Variants in PPP2R2A observed in about 807,000 individuals in gnomAD.
PPP2R2A encodes protein phosphatase 2 regulatory subunit Balpha, also known as serine/threonine-protein phosphatase 2A 55 kDa regulatory subunit B alpha isoform.
Under a neutral mutation model 53.2 loss-of-function variants are expected in PPP2R2A, and 9 were observed. The ratio of observed to expected loss-of-function variants is 0.17; its 90% CI spans 0.10 to 0.30. The LOEUF (loss-of-function observed/expected upper bound fraction) is 0.30. PPP2R2A is among the 10% of genes least tolerant of loss of function. The pLI, the probability that PPP2R2A is intolerant of heterozygous loss-of-function variation, is 1.00. For missense variants in PPP2R2A, 235 were observed against 534.6 expected, an observed-to-expected ratio of 0.44 and a Z score of 5.53; for synonymous variants, 169 against 174.2, an observed-to-expected ratio of 0.97 and a Z score of 0.23.
At chr8:26,366,945 A>G (rs947858808) in intron 9 of PPP2R2A, among the ~76,000 whole-genome samples, 2 of 152,112 alleles carry the variant, frequency 1.3e-5, no homozygotes, top group South Asian at 2.1e-4. Flanking sequence ...ATTTTTAGTA[A>G]AATGTTACCC....
At chr8:26,347,347 G>A (rs370891486) in intron 3 of PPP2R2A, among the ~76,000 whole-genome samples, 38 of 151,508 alleles carry the variant, frequency 2.5e-4, no homozygotes, top group African/African-American at 7.5e-4. Context: ...GGGGAAGAGC[G>A]CTAGCATCTG....
At chr8:26,298,144 G>T (rs1260305262) in intron 2 of PPP2R2A, among the ~76,000 whole-genome samples, 1 of 152,188 alleles carries the variant, frequency 6.6e-6, no homozygotes, top group African/African-American at 2.4e-5. Context: ...TGGGATGGTG[G>T]TTGTACAGAT....
chr8:26,334,723 C>T (rs1021818064), intron 2 of PPP2R2A, among the ~76,000 whole-genome samples: 1 of 151,378 alleles, frequency 6.6e-6, no homozygotes, highest in South Asian at 2.1e-4. Context: ...CCAGCCTGGG[C>T]GGCAGAGTAA....
In PPP2R2A at chr8:26,331,415, T is replaced by C. The variant is rs539052697; in HGVS notation, c.83-7475T>C. Among the ~76,000 whole-genome samples, 6 of 152,348 alleles carry C rather than the reference T, an allele frequency of 3.9e-5. No homozygotes were observed. In the East Asian group the frequency reaches 9.6e-4, roughly 24 times the overall value. Reference sequence around the variant, plus strand: ...GATTTTTAATTTTGATTTTTATCTTTTACTTTAACCTCTTGAAAGTAGTAG... The same window carrying C: ...GATTTTTAATTTTGATTTTTATCTTCTACTTTAACCTCTTGAAAGTAGTAG... On this transcript the variant is annotated intron_variant, in intron 2 of 9. Coordinates refer to ENST00000380737, the MANE Select transcript of PPP2R2A (RefSeq NM_002717.4).
At chr8:26,294,849 A>AT (rs1213585154) in intron 2 of PPP2R2A, among the ~76,000 whole-genome samples, 1 of 151,764 alleles carries the variant, frequency 6.6e-6, no homozygotes, top group Non-Finnish European at 1.5e-5. Context: ...TACTTGTCAT[A>AT]TTTTGCAGAG....
At chr8:26,314,666 G>A (rs1802451767) in intron 2 of PPP2R2A, among the ~76,000 whole-genome samples, 1 of 151,996 alleles carries the variant, frequency 6.6e-6, no homozygotes, top group Non-Finnish European at 1.5e-5. Context: ...TTAGCTTCCG[G>A]TGTTACATTT....
At position 26,370,463 on chromosome 8, in the gene PPP2R2A, T is replaced by C. The variant is rs1805612766; in HGVS notation, c.*50T>C. On this transcript the variant is annotated 3_prime_UTR_variant, in exon 10 of 10. Coordinates refer to ENST00000380737, the MANE Select transcript of PPP2R2A (RefSeq NM_002717.4). This position sits in a 1 kb window ranked among gnomAD's most constrained non-coding sequence, Gnocchi z 6.1. ...CCACTTCCTGCTTAGTTGAGATAGT[T>C]GAATCTAGCATTCGTTCCTATAAAA... 6.3e-7 allele frequency: 1 copy of C among 1,580,374 alleles called. No homozygotes were observed. Among genetic ancestry groups the C allele is most frequent in the Non-Finnish European group, 8.7e-7 (1 of 1,155,080 alleles).
intron 2 of PPP2R2A, among the ~76,000 whole-genome samples, chr8:26,308,829 ACTGT>A (rs1044712032): frequency 2.6e-5 from 4 of 151,992 alleles, no homozygotes; most frequent in African/African-American, 9.7e-5. Context: ...AAGCGGAATC[ACTGT>A]CTATGTCAGT....
chr8:26,365,717 C>T (rs1805338352), intron 8 of PPP2R2A: 1 of 151,872 alleles, frequency 6.6e-6, no homozygotes, highest in African/African-American at 2.4e-5. Flanking sequence ...TTATATAATT[C>T]AAAAAACAGG....
At chr8:26,366,454 A>G (rs111983428) in intron 9 of PPP2R2A, 48 bp downstream of exon 9, 2 of 1,409,522 alleles carry the variant, frequency 1.4e-6, no homozygotes, top group African/African-American at 1.5e-5. Flanking sequence ...AAGAAAAGAA[A>G]CAACTATTTC....
At chr8:26,310,478 A>G (rs1195912728) in intron 2 of PPP2R2A, among the ~76,000 whole-genome samples, 2 of 151,494 alleles carry the variant, frequency 1.3e-5, no homozygotes, top group South Asian at 4.2e-4. Context: ...TCCAGTTAAC[A>G]TATATGAGAA....
At chr8:26,304,056 G>T (rs1801906433) in intron 2 of PPP2R2A, among the ~76,000 whole-genome samples, 1 of 152,156 alleles carries the variant, frequency 6.6e-6, no homozygotes, top group Admixed American at 6.5e-5. Flanking sequence ...AAGAACTTCT[G>T]CTCTAATCTT....
At chr8:26,322,600 AAAG>A (rs1409692288) in intron 2 of PPP2R2A, among the ~76,000 whole-genome samples, 1 of 152,178 alleles carries the variant, frequency 6.6e-6, no homozygotes, top group Non-Finnish European at 1.5e-5. Context: ...GGAAAAAAAA[AAAG>A]ACTTAACTAC....
intron 2 of PPP2R2A, among the ~76,000 whole-genome samples, chr8:26,325,810 A>G (rs1803059730): frequency 6.6e-6 from 1 of 152,156 alleles, no homozygotes; most frequent in Non-Finnish European, 1.5e-5. Context: ...AACATAGAGT[A>G]TGTAAACTTT....
rs549209706 is a variant in PPP2R2A, at chr8:26,291,843, C to T, written c.7+17C>T. ...ACATGGCAGGTAAAGGAGAAATCCC[C>T]CTCGCCCCCTGACAAGGCACCGCTT... On this transcript the variant is annotated intron_variant, in intron 1 of 9. Transcript: ENST00000380737. The T allele has an allele frequency of 4.3e-5, 69 of 1,608,682 alleles. No homozygotes were observed. The highest frequency in any genetic ancestry group is 1.7e-5 in the Non-Finnish European group (20 of 1,177,960).
chr8:26,370,571 G>A lies in PPP2R2A; in HGVS notation c.*158G>A, dbSNP rs1163435312. 1.2e-6 allele frequency: 1 copy of A among 821,700 alleles called. No individual in the cohort carries two copies. The highest frequency in any genetic ancestry group is 1.8e-5 in the South Asian group (1 of 55,668). 50.9% of individuals were successfully genotyped at this position (821,700 alleles called of 1,614,324 possible). A position where few individuals can be genotyped will look rare whatever the true frequency, so the allele number is the denominator to read the frequency against. On this transcript the variant is annotated 3_prime_UTR_variant, in exon 10 of 10. Coordinates refer to ENST00000380737, the MANE Select transcript of PPP2R2A (RefSeq NM_002717.4). This position sits in a 1 kb window ranked among gnomAD's most constrained non-coding sequence, Gnocchi z 6.1. ...ACATTGTTATAGCTACATGGAGAAA[G>A]CTCTGTGGATTCATCACTGTGGTGT...
intron 9 of PPP2R2A, among the ~76,000 whole-genome samples, chr8:26,366,837 T>C (rs1052126165): frequency 7.2e-5 from 11 of 152,160 alleles, no homozygotes; most frequent in Admixed American, 1.3e-4. Context: ...TTATGTATGA[T>C]GTTAACCATA....
rs78315063 is a variant in PPP2R2A, at chr8:26,347,323, T to C, written c.181-7145T>C. Among the ~76,000 whole-genome samples, 530 of 152,194 alleles carry C rather than the reference T, an allele frequency of 3.5e-3. 5 individuals carry two copies. The highest frequency in any genetic ancestry group is 0.012 in the African/African-American group (509 of 41,528). On this transcript the variant is annotated intron_variant, in intron 3 of 9. Transcript: ENST00000380737. ...CTTGAGATCTGCCTCCATTCCTTGG[T>C]TGTTGATAGAACTGGGGAAGAGCGC...
intron 2 of PPP2R2A, among the ~76,000 whole-genome samples, chr8:26,330,233 T>C (rs147253473): frequency 1.3e-5 from 2 of 152,188 alleles, no homozygotes; most frequent in Admixed American, 1.3e-4. Context: ...TCAAATAGTA[T>C]GTTTTTTTAT....
Sources: gnomAD v4.1 joint callset for allele counts (sites outside exome capture counted in the v4.1 genomes callset) on GRCh38, gnomAD v4.1.1 for gene constraint, Gnocchi (gnomAD v3.1) non-coding constraint, MANE v1.5 for transcripts, NCBI Gene and HGNC (gene_info 2026-07-23, HGNC 2026-07-21) for gene names.